The following KLHL31 variants were observed in gnomAD, a reference collection of about 807,000 sequenced individuals.
The protein encoded by KLHL31 is kelch like family member 31, also known as kelch-like protein 31.
Under a neutral mutation model 47.1 loss-of-function variants are expected in KLHL31, and 32 were observed. The observed-to-expected ratio is 0.68, with a 90% CI of 0.51 to 0.91. The LOEUF (loss-of-function observed/expected upper bound fraction) is 0.91. KLHL31 is among the 40% of genes least tolerant of loss of function. The pLI is 0.00. For synonymous variants in KLHL31, 330 were observed against 325.1 expected (o/e 1.01, Z -0.16); for missense variants, 797 against 819.3 (o/e 0.97, Z 0.33).
At chr6:53,659,284 T>C (rs192580137) in intron 1 of KLHL31, among the ~76,000 whole-genome samples, 22 of 152,338 alleles carry the variant, frequency 1.4e-4, no homozygotes, top group Non-Finnish European at 2.4e-4. Context: ...TAAATATTTC[T>C]ATGAGATTTT....
chr6:53,659,543 T>C (rs1045776014), intron 1 of KLHL31, among the ~76,000 whole-genome samples: 3 of 152,092 alleles, frequency 2.0e-5, no homozygotes, highest in Non-Finnish European at 2.9e-5. Context: ...ATGAATCTTG[T>C]TGGGTCTTGG....
chr6:53,652,008 G>A lies in KLHL31; in HGVS notation c.1495C>T (p.Leu499Phe). 1 of 1,592,138 alleles carries A rather than the reference G, an allele frequency of 6.3e-7. No homozygotes were observed. Among genetic ancestry groups the A allele is most frequent in the East Asian group, 2.3e-5 (1 of 44,386 alleles). The change falls in exon 3 of 3, where the codon CTC becomes TTC. Residue 499 changes from leucine to phenylalanine, a missense_variant. Transcript: ENST00000370905. The stretch of plus-strand genomic sequence containing the variant: ...CAGTGCCAGCCCCGGGGTGTGCTGA[G>A]GTTCGGCAGCTCCTGCCACGAGTCG... ...ASDSWQELPNLSTPRGWHCAV... is the reference protein window; with the variant it reads ...ASDSWQELPNFSTPRGWHCAV...
Position 53,652,186 on chromosome 6 carries a change from G to A in KLHL31, c.1317C>T (p.Tyr439=). The A allele has an allele frequency of 6.2e-7, 1 of 1,610,904 alleles. No individual in the cohort carries two copies. The highest frequency in any genetic ancestry group is 2.2e-5 in the East Asian group (1 of 44,884). ...GCTGCCACTGATTGGTGGAGGGCAC[G>A]TAGCACTCCAGCGAGGCCAGGCTTC... is the stretch of plus-strand genomic sequence containing the variant. ...AEGSLASLEC[Y]VPSTNQWQPK... The change falls in exon 3 of 3, where the codon TAC becomes TAT. Residue 439 remains tyrosine (Y), a synonymous_variant. Coordinates refer to ENST00000370905, the MANE Select transcript of KLHL31 (RefSeq NM_001003760.5).
Position 53,654,423 on chromosome 6 carries a change from A to C in KLHL31, c.850T>G (p.Cys284Gly). Residue 284 changes from cysteine (C) to glycine (G), a missense_variant, in exon 2 of 3, where the codon TGT becomes GGT. Cys to Gly is a radical substitution (Grantham distance 159). Coordinates refer to ENST00000370905, the MANE Select transcript of KLHL31 (RefSeq NM_001003760.5). ...SVPRMMQDAD[C>G]HRLLVDAMNY... ...ATAGCATCTACGAGAAGTCTGTGAC[A>C]ATCAGCATCTTGCATCATTCTTGGT... is the stretch of plus-strand genomic sequence containing the variant. 1 of 1,614,208 alleles carries C rather than the reference A, an allele frequency of 6.2e-7. No homozygotes were observed. Among genetic ancestry groups the C allele is most frequent in the South Asian group, 1.1e-5 (1 of 91,084 alleles).
chr6:53,662,957 A>G (rs1303234959), intron 1 of KLHL31, among the ~76,000 whole-genome samples: 2 of 151,494 alleles, frequency 1.3e-5, no homozygotes, highest in African/African-American at 2.5e-5. Context: ...AGGGTGTACT[A>G]TGTGCTGGGC....
At chr6:53,664,823 C>T (rs1050462316) in intron 1 of KLHL31, among the ~76,000 whole-genome samples, 3 of 152,148 alleles carry the variant, frequency 2.0e-5, no homozygotes, top group Non-Finnish European at 2.9e-5. Flanking sequence ...GGCCACATTC[C>T]TATCGCTGCA....
intron 1 of KLHL31, among the ~76,000 whole-genome samples, chr6:53,659,026 C>A (rs193152390): frequency 3.9e-5 from 6 of 152,306 alleles, no homozygotes; most frequent in Admixed American, 3.9e-4. Context: ...CAGCATTTTG[C>A]AGAGCACCTG....
Position 53,652,100 on chromosome 6 carries a change from A to C in KLHL31, c.1403T>G (p.Val468Gly). The change falls in exon 3 of 3, where the codon GTG becomes GGG. Residue 468 changes from valine to glycine, a missense_variant. Transcript: ENST00000370905. ...CHASAVADGR[V>G]LVTGGYIANA... ...GGCTATGTAGCCTCCGGTCACCAGC[A>C]CGCGGCCGTCGGCGACCGCGCTAGC... The C allele has an allele frequency of 6.2e-7, 1 of 1,600,056 alleles. No homozygotes were observed. Among genetic ancestry groups the C allele is most frequent in the South Asian group, 1.1e-5 (1 of 90,824 alleles).
At position 53,649,663 on chromosome 6, in the gene KLHL31, C is replaced by T. The variant is rs1364041826; in HGVS notation, c.*1935G>A. On this transcript the variant is annotated 3_prime_UTR_variant, in exon 3 of 3. Coordinates refer to ENST00000370905, the MANE Select transcript of KLHL31 (RefSeq NM_001003760.5). ...TACTTCTAAGATGTCAATGGGAACA[C>T]ATCTATTGGTGTGCATCAAGGAATT... The T allele has an allele frequency of 6.6e-6, 1 of 152,182 alleles. No individual in the cohort carries two copies. The highest frequency in any genetic ancestry group is 1.5e-5 in the Non-Finnish European group (1 of 67,996). The allele number at this position is 152,182 out of a possible 1,614,324, so 9.4% of individuals were successfully genotyped here. A position where few individuals can be genotyped will look rare whatever the true frequency, so the allele number is the denominator to read the frequency against.
In KLHL31 at chr6:53,649,037, G is replaced by T. The variant is rs977875854; in HGVS notation, c.*2561C>A. 9 of 152,182 alleles carry T rather than the reference G, an allele frequency of 5.9e-5. No homozygotes were observed. Among genetic ancestry groups the T allele is most frequent in the African/African-American group, 1.7e-4 (7 of 41,456 alleles). The allele number at this position is 152,182 out of a possible 1,614,324, so 9.4% of individuals were successfully genotyped here. On this transcript the variant is annotated 3_prime_UTR_variant, in exon 3 of 3. Transcript: ENST00000370905. The stretch of plus-strand genomic sequence containing the variant: ...TGGGTCCTAAGACTCTGGAGTAATT[G>T]AATGTAAGCTTAAAACATACTAAAT...
At chr6:53,652,476 TTCTC>T (rs1172548408) in intron 2 of KLHL31, 146 bp from the exon 3 acceptor site, 1 of 933,762 alleles carries the variant, frequency 1.1e-6, no homozygotes, top group East Asian at 2.4e-5. Context: ...AGGCTGGAGT[TTCTC>T]TCTCAGCCAG....
chr6:53,665,025 A>AT (rs1307699557), intron 1 of KLHL31, among the ~76,000 whole-genome samples: 2 of 151,062 alleles, frequency 1.3e-5, no homozygotes, highest in South Asian at 2.1e-4. Context: ...ACAAAAACCT[A>AT]TTTTTTAGCC....
rs547780979 is a variant in KLHL31 at position 53,649,843 on chromosome 6, G to A, written c.*1755C>T. On this transcript the variant is annotated 3_prime_UTR_variant, in exon 3 of 3. Transcript: ENST00000370905. ...AATATACCATATCCACATATACCAA[G>A]GTAAAAGATTCTTTGTGTGGGATAA... 6.6e-6 allele frequency: 1 copy of A among 152,192 alleles called. No individual in the cohort carries two copies. The highest frequency in any genetic ancestry group is 1.9e-4 in the East Asian group (1 of 5,186). 9.4% of individuals were successfully genotyped at this position (152,192 alleles called of 1,614,324 possible). A position where few individuals can be genotyped will look rare whatever the true frequency, so the allele number is the denominator to read the frequency against.
intron 1 of KLHL31, among the ~76,000 whole-genome samples, chr6:53,656,716 A>G (rs1764566401): frequency 6.6e-6 from 1 of 152,158 alleles, no homozygotes; most frequent in Non-Finnish European, 1.5e-5. Flanking sequence ...ACATACACAC[A>G]TACACAAACT....
rs750497020 is a variant in KLHL31, at chr6:53,654,163, G to T, written c.1110C>A (p.Ala370=). The change falls in exon 2 of 3, where the codon GCC becomes GCA. Residue 370 remains alanine, a synonymous_variant. Transcript: ENST00000370905. ...TTGCATCATTCTGGTCTTCACCACC[G>T]GCTACATAAAGAAATCCATCCATCA... ...VAVMDGFLYV[A]GGEDQNDARN... The T allele has an allele frequency of 4.3e-6, 7 of 1,613,826 alleles. No homozygotes were observed. In the South Asian group the frequency reaches 7.7e-5, roughly 18 times the overall value.
Position 53,655,184 on chromosome 6 carries a change from A to C in KLHL31, c.89T>G (p.Leu30Arg), listed in dbSNP as rs200944706. Residue 30 changes from leucine (L) to arginine (R), a missense_variant, in exon 2 of 3, where the codon CTG becomes CGG. By Grantham distance (102) the Leu-to-Arg change is moderately radical. Coordinates refer to ENST00000370905, the MANE Select transcript of KLHL31 (RefSeq NM_001003760.5). ...CTCTAGGAGCCCATTCAAAGCATTC[A>C]GTTTGTTTAGGGGGCTATCTTCTAC... ...IIVEDSPLNK[L>R]NALNGLLEGG... is the part of the protein sequence containing the mutation. 6.2e-6 allele frequency: 10 copies of C among 1,613,936 alleles called. No individual in the cohort carries two copies. The East Asian group carries it at 2.0e-4, about 32-fold the overall frequency.
chr6:53,659,832 G>C, intron 1 of KLHL31, among the ~76,000 whole-genome samples: 1 of 152,186 alleles, frequency 6.6e-6, no homozygotes, highest in Non-Finnish European at 1.5e-5. Context: ...AGATGAAATA[G>C]TGAAATCAGT....
Position 53,651,421 on chromosome 6 carries a change from A to AAAAAAAAAAAAATG in KLHL31, c.*176_*177insCATTTTTTTTTTTT. 1 of 364,532 alleles carries AAAAAAAAAAAAATG rather than the reference A, an allele frequency of 2.7e-6. No homozygotes were observed. The allele number at this position is 364,532 out of a possible 1,614,324, so 22.6% of individuals were successfully genotyped here. The stretch of plus-strand genomic sequence containing the variant: ...TGCTAAAAAAAAAAAAAAAAAAAAG[A>AAAAAAAAAAAAATG]GGTAGATTATGCCATACCAGGAATT... On this transcript the variant is annotated 3_prime_UTR_variant, in exon 3 of 3. Coordinates refer to ENST00000370905, the MANE Select transcript of KLHL31 (RefSeq NM_001003760.5).
chr6:53,657,610 TTGTGTGTGTGTGTGTGTGTG>T (rs57566339), intron 1 of KLHL31, among the ~76,000 whole-genome samples: 233 of 138,804 alleles, frequency 1.7e-3, no homozygotes, highest in Non-Finnish European at 3.0e-3. Flanking sequence ...TGTTTTTGTT[TTGTGTGTGTGTGTGTGTGTG>T]TGTGTGTGTG....
Sources: gnomAD v4.1 joint callset for allele counts (sites outside exome capture counted in the v4.1 genomes callset) on GRCh38, gnomAD v4.1.1 for gene constraint, MANE v1.5 for transcripts, NCBI Gene and HGNC (gene_info 2026-07-23, HGNC 2026-07-21) for gene names.